Variants in STXBP6 observed in about 807,000 individuals in gnomAD.
STXBP6 encodes syntaxin-binding protein 6.
A neutral mutation model predicts 26.9 loss-of-function variants in STXBP6; 21 were observed. The ratio of observed to expected loss-of-function variants is 0.78; its 90% confidence interval spans 0.55 to 1.12. The LOEUF (loss-of-function observed/expected upper bound fraction) is 1.12. Ranked by LOEUF, STXBP6 falls within the 50% of genes most tolerant of loss-of-function variation. The pLI, the probability that STXBP6 is intolerant of heterozygous loss-of-function variation, is 0.00. For missense variants in STXBP6, 232 were observed against 257.9 expected (o/e 0.90, Z 0.69); for synonymous variants, 97 against 92.6 (o/e 1.05, Z -0.27).
Position 25,049,331 on chromosome 14 carries a change from C to T in STXBP6, c.-33+547G>A, listed in dbSNP as rs1268018923. The T allele has an allele frequency of 2.0e-6, 2 of 985,332 alleles. No homozygotes were observed. The highest frequency in any genetic ancestry group is 3.5e-5 in the African/African-American group (2 of 57,250). 61.0% of individuals were successfully genotyped at this position (985,332 alleles called of 1,614,324 possible). A position where few individuals can be genotyped will look rare whatever the true frequency, so the allele number is the denominator to read the frequency against. ...TCGGAAAGGGGGCATCGCCCAGGGC[C>T]AGCGCCCTGGGGGCAGGGTGCCGTG... On this transcript the variant is annotated intron_variant, in intron 1 of 5. Coordinates refer to ENST00000323944, the MANE Select transcript of STXBP6 (RefSeq NM_001394410.1). The surrounding 1 kb of genome is among the most constrained non-coding windows in gnomAD (Gnocchi z 5.6).
intron 2 of STXBP6, among the ~76,000 whole-genome samples, chr14:24,919,789 T>C (rs984358845): frequency 7.2e-5 from 11 of 152,172 alleles, no homozygotes; most frequent in Admixed American, 5.2e-4. Context: ...TGTGTGTATG[T>C]ACTTAAGGAT....
At chr14:24,877,906 G>A (rs1407611619) in intron 2 of STXBP6, among the ~76,000 whole-genome samples, 1 of 152,062 alleles carries the variant, frequency 6.6e-6, no homozygotes, top group East Asian at 1.9e-4. Context: ...TCATATACAT[G>A]CCAAAACAGT....
At chr14:24,976,799 C>A (rs1336707514) in intron 1 of STXBP6, among the ~76,000 whole-genome samples, 1 of 147,580 alleles carries the variant, frequency 6.8e-6, no homozygotes, top group African/African-American at 2.5e-5. Flanking sequence ...GGCTTCAAAC[C>A]ATTTGATAAG....
intron 2 of STXBP6, among the ~76,000 whole-genome samples, chr14:24,895,515 G>A (rs1169690240): frequency 1.3e-5 from 2 of 152,126 alleles, no homozygotes; most frequent in Non-Finnish European, 2.9e-5. Context: ...AGCCACTCCT[G>A]GTGGTGTATC....
Position 25,049,390 on chromosome 14 carries a change from A to G in STXBP6, c.-33+488T>C. ...AAAAGCTCGCCTCAGTTTTGGCAGT[A>G]ATGATTTTCCTAGAAGATGCCAGAG... On this transcript the variant is annotated intron_variant, in intron 1 of 5. Transcript: ENST00000323944. This position sits in a 1 kb window ranked among gnomAD's most constrained non-coding sequence, Gnocchi z 5.6. 1 of 985,390 alleles carries G rather than the reference A, an allele frequency of 1.0e-6. No homozygotes were observed. The allele number at this position is 985,390 out of a possible 1,614,324, so 61.0% of individuals were successfully genotyped here.
At chr14:24,930,529 C>A (rs1428747077) in intron 2 of STXBP6, among the ~76,000 whole-genome samples, 1 of 152,054 alleles carries the variant, frequency 6.6e-6, no homozygotes, top group Non-Finnish European at 1.5e-5. Context: ...TTTATTATTC[C>A]GGTGATGACA....
intron 1 of STXBP6, among the ~76,000 whole-genome samples, chr14:24,997,805 C>T (rs2074644116): frequency 6.6e-6 from 1 of 151,974 alleles, no homozygotes; most frequent in Non-Finnish European, 1.5e-5. Context: ...ATGGAAAATT[C>T]AATGGAACAT....
chr14:24,831,682 T>C (rs2068457560), intron 4 of STXBP6, among the ~76,000 whole-genome samples: 4 of 152,144 alleles, frequency 2.6e-5, no homozygotes, highest in South Asian at 4.1e-4. Context: ...TAAAAAAATA[T>C]GTATGCAACA....
chr14:24,903,233 T>C (rs1324710641), intron 2 of STXBP6, among the ~76,000 whole-genome samples: 1 of 151,662 alleles, frequency 6.6e-6, no homozygotes, highest in Non-Finnish European at 1.5e-5. Flanking sequence ...TATTCTCTGT[T>C]TTGTTTGTTT....
chr14:24,907,239 C>T (rs946336918), intron 2 of STXBP6, among the ~76,000 whole-genome samples: 2 of 152,088 alleles, frequency 1.3e-5, no homozygotes, highest in Non-Finnish European at 2.9e-5. Context: ...TTAATCATTA[C>T]ATATTGTACA....
At chr14:24,930,767 T>C (rs961773319) in intron 2 of STXBP6, among the ~76,000 whole-genome samples, 4 of 152,140 alleles carry the variant, frequency 2.6e-5, no homozygotes, top group Non-Finnish European at 5.9e-5. Context: ...GTAATTAGTT[T>C]GCTGAGAATG....
At chr14:24,921,006 C>T (rs758074980) in intron 2 of STXBP6, among the ~76,000 whole-genome samples, 1 of 152,044 alleles carries the variant, frequency 6.6e-6, no homozygotes, top group African/African-American at 2.4e-5. Context: ...GCACCAGAGA[C>T]AAGGGTTTAA....
intron 2 of STXBP6, among the ~76,000 whole-genome samples, chr14:24,861,969 G>A (rs207592): frequency 6.6e-6 from 1 of 152,132 alleles, no homozygotes; most frequent in African/African-American, 2.4e-5. Context: ...AAAGGGGTCT[G>A]ACATGGGATA....
intron 2 of STXBP6, among the ~76,000 whole-genome samples, chr14:24,882,496 C>A (rs1263315722): frequency 6.8e-6 from 1 of 148,040 alleles, no homozygotes; most frequent in Non-Finnish European, 1.5e-5. Context: ...AACTGTGTGT[C>A]TCCTCACTGG....
At chr14:25,014,806 TA>T (rs2075110845) in intron 1 of STXBP6, among the ~76,000 whole-genome samples, 1 of 152,258 alleles carries the variant, frequency 6.6e-6, no homozygotes, top group Non-Finnish European at 1.5e-5. Context: ...GAAAACTGTT[TA>T]AAAAGCTTTT....
At position 24,810,926 on chromosome 14, in the gene STXBP6, A is replaced by T. The variant is rs2067805967; in HGVS notation, c.*1783T>A. The T allele has an allele frequency of 6.8e-6, 1 of 147,330 alleles. No individual in the cohort carries two copies. The highest frequency in any genetic ancestry group is 2.2e-4 in the South Asian group (1 of 4,610). The allele number at this position is 147,330 out of a possible 1,614,324, so 9.1% of individuals were successfully genotyped here. A position where few individuals can be genotyped will look rare whatever the true frequency, so the allele number is the denominator to read the frequency against. On this transcript the variant is annotated 3_prime_UTR_variant, in exon 6 of 6. Coordinates refer to ENST00000323944, the MANE Select transcript of STXBP6 (RefSeq NM_001394410.1). The stretch of plus-strand genomic sequence containing the variant: ...GCATTCTGAACTGAGATCTGCAAAC[A>T]AAATCTATTTGGAGTGATATTTGGG...
Position 24,819,034 on chromosome 14 carries a change from C to A in STXBP6, c.609+3G>T. 1.3e-6 allele frequency: 2 copies of A among 1,576,734 alleles called. No individual in the cohort carries two copies. The highest frequency in any genetic ancestry group is 1.7e-6 in the Non-Finnish European group (2 of 1,158,104). Reference sequence around the variant, plus strand: ...TGAGAAGCCTGCTCCTCTCTTGGCCCACCTTGTGCGCAGTTTCTGCAAACT... The same window carrying A: ...TGAGAAGCCTGCTCCTCTCTTGGCCAACCTTGTGCGCAGTTTCTGCAAACT... On this transcript the variant is annotated splice_donor_region_variant and intron_variant, in intron 5 of 5. Transcript: ENST00000323944.
At chr14:24,990,624 C>G (rs2140282868) in intron 1 of STXBP6, among the ~76,000 whole-genome samples, 1 of 140,420 alleles carries the variant, frequency 7.1e-6, no homozygotes, top group Admixed American at 7.4e-5. Flanking sequence ...TGCCATTGCA[C>G]TCCAGCCTGG....
intron 5 of STXBP6, 62 bp downstream of exon 5, chr14:24,818,975 T>C (rs939455613): frequency 6.7e-7 from 1 of 1,499,982 alleles, no homozygotes; most frequent in Non-Finnish European, 8.9e-7. Flanking sequence ...GAAATAAAGT[T>C]TCTTGGCACT....
Sources: allele counts gnomAD v4.1 joint callset (sites outside exome capture counted in the v4.1 genomes callset), GRCh38; gene constraint gnomAD v4.1.1; non-coding constraint Gnocchi (gnomAD v3.1); transcripts MANE v1.5; gene names NCBI Gene and HGNC (gene_info 2026-07-23, HGNC 2026-07-21).